Variants in SGMS1 observed in about 807,000 individuals in gnomAD.
The protein encoded by SGMS1 is sphingomyelin synthase 1, also known as phosphatidylcholine:ceramide cholinephosphotransferase 1.
Under a neutral mutation model 46.2 loss-of-function variants are expected in SGMS1, and 13 were observed. That is an observed-to-expected ratio of 0.28 (90% CI 0.18 to 0.45). The LOEUF is 0.45. SGMS1 is among the 20% of genes least tolerant of loss of function. The pLI, the probability that SGMS1 is intolerant of heterozygous loss-of-function variation, is 1.00. For synonymous variants in SGMS1, 203 were observed against 187.8 expected (o/e 1.08, Z -0.66); for missense variants, 324 against 519.9 (o/e 0.62, Z 3.66).
chr10:50,334,914 C>G (rs1003409364), intron 7 of SGMS1: 2 of 152,290 alleles, frequency 1.3e-5, no homozygotes, highest in African/African-American at 4.8e-5. Context: ...CAGAGAAGGT[C>G]TACCTCTGTA....
At chr10:50,440,835 T>C (rs1210629127) in intron 5 of SGMS1, among the ~76,000 whole-genome samples, 1 of 152,156 alleles carries the variant, frequency 6.6e-6, no homozygotes, top group Non-Finnish European at 1.5e-5. Context: ...GGTCTCAAAC[T>C]CCTGGCTTCA....
At chr10:50,357,157 G>A (rs1042078388) in intron 6 of SGMS1, among the ~76,000 whole-genome samples, 9 of 150,988 alleles carry the variant, frequency 6.0e-5, no homozygotes, top group Admixed American at 3.3e-4. Context: ...CCTCAATTTA[G>A]TAAAAAAGAA....
At chr10:50,322,288 C>T (rs1169797783) in intron 8 of SGMS1, among the ~76,000 whole-genome samples, 3 of 152,200 alleles carry the variant, frequency 2.0e-5, no homozygotes, top group Non-Finnish European at 4.4e-5. Context: ...CACGCCCAAA[C>T]ATGCATCTCA....
intron 6 of SGMS1, among the ~76,000 whole-genome samples, chr10:50,432,193 G>C (rs1270805345): frequency 1.3e-5 from 2 of 152,116 alleles, no homozygotes; most frequent in Non-Finnish European, 2.9e-5. Context: ...AGAACCAATT[G>C]TTAAATTCTC....
intron 3 of SGMS1, among the ~76,000 whole-genome samples, chr10:50,506,146 C>T (rs1416762349): frequency 2.0e-5 from 3 of 152,130 alleles, no homozygotes; most frequent in Admixed American, 6.5e-5. Context: ...TTCTGATCTC[C>T]CCATTACATG....
At chr10:50,319,653 T>A (rs1185256515) in intron 8 of SGMS1, among the ~76,000 whole-genome samples, 1 of 152,242 alleles carries the variant, frequency 6.6e-6, no homozygotes, top group Non-Finnish European at 1.5e-5. Flanking sequence ...TTTGGTTTTA[T>A]CTGAATGTTG....
chr10:50,515,490 A>G (rs1354322453), intron 3 of SGMS1, among the ~76,000 whole-genome samples: 2 of 152,254 alleles, frequency 1.3e-5, no homozygotes, highest in Non-Finnish European at 2.9e-5. Flanking sequence ...TCAAAGGGCC[A>G]GTTACTGCTT....
At chr10:50,542,247 A>C (rs972470542) in intron 2 of SGMS1, among the ~76,000 whole-genome samples, 1 of 152,180 alleles carries the variant, frequency 6.6e-6, no homozygotes, top group African/African-American at 2.4e-5. Context: ...TCCAGGTTCT[A>C]TGTCTCAAAA....
chr10:50,374,854 C>T (rs1848499304), intron 6 of SGMS1, among the ~76,000 whole-genome samples: 1 of 152,204 alleles, frequency 6.6e-6, no homozygotes, highest in Non-Finnish European at 1.5e-5. Flanking sequence ...ATAGCTCACT[C>T]CTTTGCCTAC....
At chr10:50,559,071 T>C (rs1838212086) in intron 2 of SGMS1, among the ~76,000 whole-genome samples, 1 of 152,020 alleles carries the variant, frequency 6.6e-6, no homozygotes, top group South Asian at 2.1e-4. Context: ...GAGAAATCCA[T>C]CCAGATAACA....
At chr10:50,337,561 T>C (rs995159680) in intron 7 of SGMS1, among the ~76,000 whole-genome samples, 6 of 152,198 alleles carry the variant, frequency 3.9e-5, no homozygotes, top group Admixed American at 2.6e-4. Flanking sequence ...GGTCATAAAC[T>C]ACCTTTGGGA....
intron 6 of SGMS1, among the ~76,000 whole-genome samples, chr10:50,421,465 A>T (rs4935673): frequency 0.18 from 27,303 of 152,108 alleles, 2,819 homozygotes; most frequent in Admixed American, 0.23. Flanking sequence ...CAGGAAATAA[A>T]ACTGAAGAGA....
intron 3 of SGMS1, among the ~76,000 whole-genome samples, chr10:50,510,087 A>G (rs1837740516): frequency 6.6e-6 from 1 of 152,154 alleles, no homozygotes; most frequent in Non-Finnish European, 1.5e-5. Flanking sequence ...CCTGGCAGTC[A>G]TGATCTATTT....
chr10:50,453,811 G>GAGAA (rs1837147594), intron 5 of SGMS1, among the ~76,000 whole-genome samples: 1 of 37,848 alleles, frequency 2.6e-5, no homozygotes, highest in Non-Finnish European at 6.2e-5. Context: ...GAAGGAGGGA[G>GAGAA]GGAGGAAGGG....
At chr10:50,373,032 T>C (rs1307997177) in intron 6 of SGMS1, among the ~76,000 whole-genome samples, 2 of 152,216 alleles carry the variant, frequency 1.3e-5, no homozygotes, top group East Asian at 3.8e-4. Flanking sequence ...TATAGCCATC[T>C]TCCACATAAA....
At chr10:50,557,694 A>C (rs1564431509) in intron 2 of SGMS1, among the ~76,000 whole-genome samples, 1 of 152,212 alleles carries the variant, frequency 6.6e-6, no homozygotes, top group Middle Eastern at 3.4e-3. Flanking sequence ...GCAAAAAAAA[A>C]AAAAAAAATG....
intron 1 of SGMS1, among the ~76,000 whole-genome samples, chr10:50,604,264 C>T (rs892068685): frequency 1.3e-5 from 2 of 152,134 alleles, no homozygotes; most frequent in Non-Finnish European, 2.9e-5. Flanking sequence ...ACTGGTCCCC[C>T]ACATGAGCCT....
intron 6 of SGMS1, among the ~76,000 whole-genome samples, chr10:50,381,025 C>T (rs193169956): frequency 6.7e-6 from 1 of 148,590 alleles, no homozygotes; most frequent in Admixed American, 6.7e-5. Flanking sequence ...GAGATGGGAT[C>T]TCACTGTTAC....
At chr10:50,310,570 T>C (rs1271120224) in intron 9 of SGMS1, among the ~76,000 whole-genome samples, 1 of 151,724 alleles carries the variant, frequency 6.6e-6, no homozygotes, top group Non-Finnish European at 1.5e-5. Context: ...TCCAAAAAAA[T>C]GGATGGAAAT....
Sources: gnomAD v4.1 joint callset for allele counts (sites outside exome capture counted in the v4.1 genomes callset) on GRCh38, gnomAD v4.1.1 for gene constraint, MANE v1.5 for transcripts, NCBI Gene and HGNC (gene_info 2026-07-23, HGNC 2026-07-21) for gene names.